Variants in ADAD1 observed in about 807,000 individuals in gnomAD.
The protein encoded by ADAD1 is adenosine deaminase domain-containing protein 1.
ADAD1 carries 46 observed loss-of-function variants against 66.8 expected under a neutral mutation model. The ratio of observed to expected loss-of-function variants is 0.69; its 90% CI spans 0.54 to 0.88. The LOEUF is 0.88. Ranked by LOEUF, ADAD1 falls within the 40% of genes least tolerant of loss-of-function variation. The pLI is 0.00. For synonymous variants in ADAD1, 248 were observed against 229.4 expected (o/e 1.08, Z -0.73); for missense variants, 617 against 681.8 (o/e 0.91, Z 1.06).
In ADAD1 at chr4:122,415,462, A is replaced by G. The variant is rs200756996; in HGVS notation, c.1333A>G (p.Met445Val). The stretch of plus-strand genomic sequence containing the variant: ...TGATGCACTCACTTCAAAACTTCCA[A>G]TGTTTTACTTAGTCAACAGACCTCA... The part of the protein sequence containing the change: ...VDDALTSKLP[M>V]FYLVNRPHIS... Residue 445 changes from methionine (M) to valine (V), a missense_variant, in exon 11 of 13, where the codon ATG (methionine) becomes GTG (valine). Coordinates refer to ENST00000296513, the MANE Select transcript of ADAD1 (RefSeq NM_139243.4). 3.5e-5 allele frequency: 57 copies of G among 1,613,966 alleles called. No individual in the cohort carries two copies. In the Admixed American group the frequency reaches 4.0e-4, roughly 11 times the overall value.
At chr4:122,404,185 C>A (rs1255526123) in intron 7 of ADAD1, among the ~76,000 whole-genome samples, 1 of 152,166 alleles carries the variant, frequency 6.6e-6, no homozygotes, top group East Asian at 1.9e-4. Context: ...ACTTCCCATT[C>A]ACCCCCATGG....
At chr4:122,409,482 G>T (rs1184415350) in intron 8 of ADAD1, among the ~76,000 whole-genome samples, 1 of 151,658 alleles carries the variant, frequency 6.6e-6, no homozygotes, top group African/African-American at 2.4e-5. Flanking sequence ...GTCACTTTAG[G>T]GTAAATGGAG....
intron 11 of ADAD1, among the ~76,000 whole-genome samples, chr4:122,419,461 T>C (rs1428842926): frequency 2.0e-5 from 3 of 152,168 alleles, no homozygotes; most frequent in African/African-American, 7.2e-5. Flanking sequence ...TGAAATAGTC[T>C]GTACAACAAA....
At chr4:122,417,645 A>G (rs1796801382) in intron 11 of ADAD1, among the ~76,000 whole-genome samples, 1 of 152,228 alleles carries the variant, frequency 6.6e-6, no homozygotes. Flanking sequence ...GCCGTTTTAA[A>G]TAACAGTAAG....
At position 122,383,949 on chromosome 4, in the gene ADAD1, G is replaced by A. The variant is rs78087673; in HGVS notation, c.512G>A (p.Arg171Gln). Residue 171 changes from arginine to glutamine, a missense_variant, in exon 5 of 13, where the codon CGA becomes CAA. By Grantham distance (43) the Arg-to-Gln change is conservative. Coordinates refer to ENST00000296513, the MANE Select transcript of ADAD1 (RefSeq NM_139243.4). ...ELLQLDEPEP[R>Q]ILETSGPPPF... ...CTACAACTGGATGAACCTGAACCAC[G>A]AATTTTAGAAACATCAGGTAAATAC... 10 of 1,606,832 alleles carry A rather than the reference G, an allele frequency of 6.2e-6. No individual in the cohort carries two copies. The highest frequency in any genetic ancestry group is 4.0e-5 in the African/African-American group (3 of 74,456).
intron 6 of ADAD1, among the ~76,000 whole-genome samples, chr4:122,395,684 A>G (rs1472025745): frequency 6.6e-6 from 1 of 150,882 alleles, no homozygotes; most frequent in Non-Finnish European, 1.5e-5. Flanking sequence ...AAAAGGATCC[A>G]TAGATAACTT....
At chr4:122,402,085 A>G (rs1412099981) in intron 7 of ADAD1, among the ~76,000 whole-genome samples, 1 of 151,404 alleles carries the variant, frequency 6.6e-6, no homozygotes, top group Non-Finnish European at 1.5e-5. Context: ...TTATTGTTTT[A>G]TAGGCCCTGT....
chr4:122,396,138 TA>T, intron 6 of ADAD1, 113 bp from the exon 7 acceptor site: 2 of 891,864 alleles, frequency 2.2e-6, no homozygotes, highest in East Asian at 7.0e-5. Context: ...TAAATTTGCT[TA>T]CAGATGTCTA....
At chr4:122,407,865 G>A (rs766090215) in intron 7 of ADAD1, 43 bp from the exon 8 acceptor site, 4 of 1,600,142 alleles carry the variant, frequency 2.5e-6, no homozygotes, top group Non-Finnish European at 3.4e-6. Context: ...GTAGGGAAGA[G>A]AGAGGTTAAA....
At chr4:122,389,128 G>A (rs546313963) in intron 5 of ADAD1, among the ~76,000 whole-genome samples, 1 of 152,126 alleles carries the variant, frequency 6.6e-6, no homozygotes, top group Non-Finnish European at 1.5e-5. Flanking sequence ...TATTTACCCA[G>A]GAGTCATTCA....
chr4:122,419,319 G>T lies in ADAD1; in HGVS notation c.1488-1942G>T, dbSNP rs144031713. ...CGCATGTTCTCTCTTATAAGTAGGA[G>T]CTAAATGATGAGAACACGTGGACAC... On this transcript the variant is annotated intron_variant, in intron 11 of 12. Coordinates refer to ENST00000296513, the MANE Select transcript of ADAD1 (RefSeq NM_139243.4). Among the ~76,000 whole-genome samples, 550 of 152,288 alleles carry T rather than the reference G, an allele frequency of 3.6e-3. 2 individuals are homozygous for T. The highest frequency in any genetic ancestry group is 0.013 in the African/African-American group (521 of 41,556).
chr4:122,396,483 T>C (rs1432954621), intron 7 of ADAD1, 106 bp downstream of exon 7: 1 of 953,358 alleles, frequency 1.0e-6, no homozygotes, highest in Non-Finnish European at 1.4e-6. Flanking sequence ...TGATTTGAAG[T>C]GACTTTTTCT....
intron 7 of ADAD1, among the ~76,000 whole-genome samples, chr4:122,398,686 G>A (rs970239087): frequency 6.7e-6 from 1 of 149,790 alleles, no homozygotes; most frequent in African/African-American, 2.5e-5. Context: ...GGAGTAAGGT[G>A]GTATTGCATT....
intron 11 of ADAD1, among the ~76,000 whole-genome samples, chr4:122,419,235 G>C (rs1796897468): frequency 1.3e-5 from 2 of 152,184 alleles, no homozygotes; most frequent in South Asian, 2.1e-4. Context: ...GCAGGGCCAT[G>C]GATGGAGCTG....
At chr4:122,406,301 C>G (rs554041082) in intron 7 of ADAD1, among the ~76,000 whole-genome samples, 31 of 152,122 alleles carry the variant, frequency 2.0e-4, no homozygotes, top group Non-Finnish European at 3.8e-4. Context: ...TTTTGACTTG[C>G]ATTTCTCTGG....
chr4:122,425,936 A>G (rs931877860), intron 12 of ADAD1, among the ~76,000 whole-genome samples: 1 of 152,118 alleles, frequency 6.6e-6, no homozygotes, highest in Non-Finnish European at 1.5e-5. Context: ...TTCCAGTTCA[A>G]GAAGCCAGAA....
intron 4 of ADAD1, among the ~76,000 whole-genome samples, chr4:122,382,687 G>A (rs1794964748): frequency 6.6e-6 from 1 of 152,088 alleles, no homozygotes; most frequent in South Asian, 2.1e-4. Flanking sequence ...CCAAAGTGAT[G>A]GGATTATGAG....
intron 2 of ADAD1, chr4:122,379,723 C>T (rs747595667): frequency 3.7e-4 from 63 of 168,992 alleles, no homozygotes; most frequent in Non-Finnish European, 6.5e-4. Context: ...AGGCCACCTA[C>T]GAGCTGATTT....
intron 5 of ADAD1, among the ~76,000 whole-genome samples, chr4:122,393,269 C>T (rs1010463269): frequency 3.9e-5 from 6 of 151,958 alleles, no homozygotes; most frequent in African/African-American, 1.2e-4. Flanking sequence ...ATGTTTTTCA[C>T]AGTATTATAA....
Sources: gnomAD v4.1 joint callset for allele counts (sites outside exome capture counted in the v4.1 genomes callset) on GRCh38, gnomAD v4.1.1 for gene constraint, MANE v1.5 for transcripts, NCBI Gene and HGNC (gene_info 2026-07-23, HGNC 2026-07-21) for gene names.